ATXN1: variants seen among roughly 807,000 people sequenced by gnomAD.
ATXN1 encodes the protein ataxin 1.
In ATXN1, 8 loss-of-function variants were observed where a neutral mutation model predicts 56.4. The ratio of observed to expected loss-of-function variants is 0.14; its 90% CI spans 0.08 to 0.26. ATXN1 has a LOEUF of 0.26. Among genes scored for constraint, ATXN1 ranks in the 10% least tolerant of loss-of-function variants. The probability of loss-of-function intolerance (pLI) is 1.00; values close to 1 mark genes in which losing one functional copy is unlikely to be tolerated. For missense variants in ATXN1, 987 were observed against 1,106.5 expected (o/e 0.89, Z 1.53); for synonymous variants, 514 against 494.6 (o/e 1.04, Z -0.52).
rs75111702 is a variant in ATXN1, at chr6:16,648,255, G to A, written c.-489+9521C>T. Among the ~76,000 whole-genome samples the A allele has an allele frequency of 3.9e-4, 59 of 152,184 alleles. No homozygotes were observed. The East Asian group carries it at 0.011, about 29-fold the overall frequency. ...CCAACACTAGGCAACCTTGGAGAGG[G>A]TACAGCCACAATATCACCACATGGA... On this transcript the variant is annotated intron_variant, in intron 3 of 7. Transcript: ENST00000436367.
rs767960998 is a variant in ATXN1, at chr6:16,306,891, G to A, written c.1918-32C>T. On this transcript the variant is annotated intron_variant, in intron 7 of 7. Coordinates refer to ENST00000436367, the MANE Select transcript of ATXN1 (RefSeq NM_001128164.2). This position sits in a 1 kb window ranked among gnomAD's most constrained non-coding sequence, Gnocchi z 5.2. ...AAACAGGGAGAGACAGAGAGAGGAA[G>A]AAGGAAGGGAACAAATGAAAACATT... is the stretch of plus-strand genomic sequence containing the variant. 2.6e-6 allele frequency: 4 copies of A among 1,558,380 alleles called. No individual in the cohort carries two copies. In the African/African-American group the frequency reaches 4.1e-5, roughly 16 times the overall value.
intron 4 of ATXN1, among the ~76,000 whole-genome samples, chr6:16,554,278 A>G (rs780752912): frequency 6.6e-6 from 1 of 152,256 alleles, no homozygotes; most frequent in Non-Finnish European, 1.5e-5. Flanking sequence ...GGCCATCAAG[A>G]GGTTTTCCCT....
intron 6 of ATXN1, among the ~76,000 whole-genome samples, chr6:16,424,492 T>G (rs1759108329): frequency 6.6e-6 from 1 of 152,184 alleles, no homozygotes; most frequent in African/African-American, 2.4e-5. Flanking sequence ...TTGATTTACA[T>G]CCAGGGTTGC....
At chr6:16,454,681 G>C (rs1327350450) in intron 6 of ATXN1, among the ~76,000 whole-genome samples, 3 of 152,202 alleles carry the variant, frequency 2.0e-5, no homozygotes, top group Admixed American at 1.3e-4. Flanking sequence ...CATAGACTTA[G>C]TGCTTTTGGC....
At chr6:16,478,726 T>C (rs570461635) in intron 6 of ATXN1, among the ~76,000 whole-genome samples, 1 of 147,330 alleles carries the variant, frequency 6.8e-6, no homozygotes, top group Non-Finnish European at 1.5e-5. Flanking sequence ...GAAATTACAT[T>C]TTTTTTTTCA....
At chr6:16,409,128 G>C (rs1403492154) in intron 6 of ATXN1, among the ~76,000 whole-genome samples, 1 of 152,018 alleles carries the variant, frequency 6.6e-6, no homozygotes, top group African/African-American at 2.4e-5. Flanking sequence ...AATGTCACAG[G>C]ATCGATATTT....
At chr6:16,662,539 G>A (rs528340553) in intron 2 of ATXN1, among the ~76,000 whole-genome samples, 1 of 152,226 alleles carries the variant, frequency 6.6e-6, no homozygotes, top group South Asian at 2.1e-4. Flanking sequence ...TCACCATGTT[G>A]GCCAGGCTGG....
intron 3 of ATXN1, among the ~76,000 whole-genome samples, chr6:16,628,909 T>C (rs908237259): frequency 2.0e-5 from 3 of 152,212 alleles, no homozygotes; most frequent in South Asian, 4.1e-4. Flanking sequence ...CTACTGTGAA[T>C]AGTGCTGCAA....
At chr6:16,377,496 G>A (rs1762164791) in intron 6 of ATXN1, among the ~76,000 whole-genome samples, 1 of 152,130 alleles carries the variant, frequency 6.6e-6, no homozygotes, top group Admixed American at 6.5e-5. Flanking sequence ...GGTTATATGA[G>A]GGTCCGGAGG....
intron 3 of ATXN1, among the ~76,000 whole-genome samples, chr6:16,655,036 G>A (rs1195728893): frequency 1.3e-5 from 2 of 152,172 alleles, no homozygotes; most frequent in African/African-American, 4.8e-5. Flanking sequence ...GCTTCAGAAA[G>A]GGGATGTTTA....
chr6:16,636,024 G>T (rs9297014), intron 3 of ATXN1, among the ~76,000 whole-genome samples: 1 of 152,006 alleles, frequency 6.6e-6, no homozygotes, highest in Non-Finnish European at 1.5e-5. Flanking sequence ...TCACTCGCCC[G>T]TGGAGATCAC....
intron 7 of ATXN1, among the ~76,000 whole-genome samples, chr6:16,312,150 C>T (rs1760408433): frequency 6.6e-6 from 1 of 152,178 alleles, no homozygotes; most frequent in Non-Finnish European, 1.5e-5. Flanking sequence ...TTCCACGTTA[C>T]CAAGTATCTG....
chr6:16,353,050 C>T (rs1051122590), intron 6 of ATXN1, among the ~76,000 whole-genome samples: 3 of 152,088 alleles, frequency 2.0e-5, no homozygotes, highest in African/African-American at 7.2e-5. Flanking sequence ...TTCACGTCTG[C>T]GTTAGGATGG....
intron 6 of ATXN1, among the ~76,000 whole-genome samples, chr6:16,471,541 C>T (rs1460429814): frequency 6.6e-6 from 1 of 152,138 alleles, no homozygotes; most frequent in Non-Finnish European, 1.5e-5. Context: ...AGCTCACAGT[C>T]ATGACCTTAT....
chr6:16,647,581 A>G (rs1269266218), intron 3 of ATXN1, among the ~76,000 whole-genome samples: 2 of 152,254 alleles, frequency 1.3e-5, no homozygotes, highest in Non-Finnish European at 2.9e-5. Flanking sequence ...CACAGTGACT[A>G]TGGTTAATAA....
intron 2 of ATXN1, among the ~76,000 whole-genome samples, chr6:16,702,429 C>G (rs370195020): frequency 4.5e-4 from 68 of 151,964 alleles, no homozygotes; most frequent in Admixed American, 1.9e-3. Flanking sequence ...GCATGGGCAA[C>G]GACTTCATGT....
chr6:16,576,969 G>T (rs1416910769), intron 4 of ATXN1, among the ~76,000 whole-genome samples: 1 of 152,138 alleles, frequency 6.6e-6, no homozygotes, highest in African/African-American at 2.4e-5. Context: ...AGAAGCTAAT[G>T]AGACAGATGG....
chr6:16,693,813 G>GT (rs1185765870), intron 2 of ATXN1, among the ~76,000 whole-genome samples: 1 of 152,158 alleles, frequency 6.6e-6, no homozygotes, highest in Non-Finnish European at 1.5e-5. Flanking sequence ...AGCACAGAGA[G>GT]TAAGTCACAG....
At chr6:16,657,975 G>A (rs991798691) in intron 2 of ATXN1, 74 bp from the exon 3 acceptor site, 4 of 152,176 alleles carry the variant, frequency 2.6e-5, no homozygotes, top group African/African-American at 9.7e-5. Flanking sequence ...TATTCAGGGG[G>A]AAATCCCTGG....
Sources: gnomAD v4.1 joint callset for allele counts (sites outside exome capture counted in the v4.1 genomes callset) on GRCh38, gnomAD v4.1.1 for gene constraint, Gnocchi (gnomAD v3.1) non-coding constraint, MANE v1.5 for transcripts, NCBI Gene and HGNC (gene_info 2026-07-23, HGNC 2026-07-21) for gene names.